The following BCL2L11 variants were observed in gnomAD, a reference collection of about 807,000 sequenced individuals.
BCL2L11 encodes the protein bcl-2-like protein 11.
In BCL2L11, 15 loss-of-function variants were observed where a neutral mutation model predicts 20.6. The ratio of observed to expected loss-of-function variants is 0.73; its 90% CI spans 0.49 to 1.12. BCL2L11 has a LOEUF of 1.12. Among genes scored for constraint, BCL2L11 ranks in the 50% most tolerant of loss-of-function variants. BCL2L11 has a pLI of 0.00. For synonymous variants in BCL2L11, 108 were observed against 92.8 expected (o/e 1.16, Z -0.94); for missense variants, 292 against 260.9 (o/e 1.12, Z -0.82).
intron 2 of BCL2L11, chr2:111,128,974 C>T (rs2150293079): frequency 1.6e-6 from 1 of 611,802 alleles, no homozygotes; most frequent in Non-Finnish European, 2.6e-6. Flanking sequence ...CAGTGCTGCT[C>T]TAGCAAGCCA....
intron 2 of BCL2L11, among the ~76,000 whole-genome samples, chr2:111,125,288 G>T (rs2150181103): frequency 6.6e-6 from 1 of 152,344 alleles, no homozygotes; most frequent in Non-Finnish European, 1.5e-5. Context: ...TACAGCATGT[G>T]ACTTTGGGTA....
intron 2 of BCL2L11, among the ~76,000 whole-genome samples, chr2:111,138,077 C>T (rs924137006): frequency 6.8e-6 from 1 of 148,014 alleles, no homozygotes; most frequent in Non-Finnish European, 1.5e-5. Context: ...GCCATGATCT[C>T]AGCTCACTGC....
At chr2:111,124,535 C>T (rs1241362124) in intron 2 of BCL2L11, among the ~76,000 whole-genome samples, 1 of 152,182 alleles carries the variant, frequency 6.6e-6, no homozygotes, top group African/African-American at 2.4e-5. Context: ...TGTAATCTGC[C>T]TGTCTCAGCC....
chr2:111,163,861 CTTTTTT>C (rs10547953), intron 3 of BCL2L11, among the ~76,000 whole-genome samples: 2 of 104,720 alleles, frequency 1.9e-5, no homozygotes, highest in Admixed American at 2.0e-4. Context: ...TTTTTGAGTG[CTTTTTT>C]TTTTTTTTTT....
intron 2 of BCL2L11, among the ~76,000 whole-genome samples, chr2:111,145,302 T>G (rs2076361652): frequency 6.6e-6 from 1 of 152,166 alleles, no homozygotes; most frequent in Admixed American, 6.5e-5. Flanking sequence ...TACACACACC[T>G]GAGTCATTAG....
chr2:111,124,254 T>A (rs2150149018), intron 2 of BCL2L11, 115 bp downstream of exon 2: 9 of 1,260,302 alleles, frequency 7.1e-6, no homozygotes, highest in South Asian at 3.2e-5. Context: ...TATTCCATCT[T>A]TAGATGGGAA....
intron 2 of BCL2L11, among the ~76,000 whole-genome samples, chr2:111,125,062 A>G (rs1283489151): frequency 6.6e-6 from 1 of 152,196 alleles, no homozygotes; most frequent in Non-Finnish European, 1.5e-5. Context: ...AGACTGGTAA[A>G]TTGGAGAGTA....
At chr2:111,128,826 A>G in intron 2 of BCL2L11, 9 of 1,459,302 alleles carry the variant, frequency 6.2e-6, no homozygotes, top group Non-Finnish European at 8.1e-6. Context: ...GTGATTAAAT[A>G]AAATGTATTT....
rs1177823904 is a variant in BCL2L11, at chr2:111,166,563, TA to T, written c.*2338del. On this transcript the variant is annotated 3_prime_UTR_variant, in exon 4 of 4. Coordinates refer to ENST00000393256, the MANE Select transcript of BCL2L11 (RefSeq NM_138621.5). ...CGTGGGTATACGTTTTTACCTTTTT[TA>T]AAAAACATTTTTGTAGAAAAAATAA... 1 of 152,682 alleles carries T rather than the reference TA, an allele frequency of 6.5e-6. No individual in the cohort carries two copies. Among genetic ancestry groups the T allele is most frequent in the Admixed American group, 6.5e-5 (1 of 15,294 alleles). The allele number at this position is 152,682 out of a possible 1,614,324, so 9.5% of individuals were successfully genotyped here.
intron 2 of BCL2L11, among the ~76,000 whole-genome samples, chr2:111,127,487 C>G (rs188154052): frequency 6.6e-6 from 1 of 150,722 alleles, no homozygotes; most frequent in East Asian, 2.0e-4. Context: ...TTGTCTGACC[C>G]CTCCTTTAGT....
intron 3 of BCL2L11, among the ~76,000 whole-genome samples, chr2:111,160,007 C>A (rs570433571): frequency 7.2e-5 from 11 of 152,376 alleles, no homozygotes; most frequent in South Asian, 4.1e-4. Flanking sequence ...TTAGAGGGCA[C>A]AGTCTGTGGG....
At chr2:111,134,776 C>G (rs1167109518) in intron 2 of BCL2L11, among the ~76,000 whole-genome samples, 1 of 152,214 alleles carries the variant, frequency 6.6e-6, no homozygotes, top group African/African-American at 2.4e-5. Context: ...AGGATATCTT[C>G]ACGGAAGATA....
intron 2 of BCL2L11, chr2:111,145,969 A>G: frequency 1.0e-6 from 1 of 960,588 alleles, no homozygotes; most frequent in Non-Finnish European, 1.2e-6. Flanking sequence ...GAAAACATGG[A>G]TCTGCCTAGG....
chr2:111,138,155 C>A (rs929923451), intron 2 of BCL2L11, among the ~76,000 whole-genome samples: 2 of 151,848 alleles, frequency 1.3e-5, no homozygotes, highest in African/African-American at 2.4e-5. Context: ...ATTACAGGCA[C>A]CCACCACGAC....
chr2:111,150,882 T>G (rs1325424191), intron 3 of BCL2L11, among the ~76,000 whole-genome samples: 7 of 134,694 alleles, frequency 5.2e-5, no homozygotes, highest in Admixed American at 2.1e-4. Flanking sequence ...CATGGGACAC[T>G]TTTGTTTGTT....
At position 111,120,988 on chromosome 2, in the gene BCL2L11, C is replaced by CGCT. The variant is rs1558996613; in HGVS notation, c.-212_-211insTGC. The stretch of plus-strand genomic sequence containing the variant: ...CCAGCGCCGCTGCCGCTGCCGCCGC[C>CGCT]GCCGCCGCCGCCGCCGCCGCCGCCG... On this transcript the variant is annotated 5_prime_UTR_variant, in exon 1 of 4. Coordinates refer to ENST00000393256, the MANE Select transcript of BCL2L11 (RefSeq NM_138621.5). 34 of 329,358 alleles carry CGCT rather than the reference C, an allele frequency of 1.0e-4. 2 individuals are homozygous for CGCT. The highest frequency in any genetic ancestry group is 1.2e-4 in the African/African-American group (5 of 40,622). The allele number at this position is 329,358 out of a possible 1,614,324, so 20.4% of individuals were successfully genotyped here. A position where few individuals can be genotyped will look rare whatever the true frequency, so the allele number is the denominator to read the frequency against.
At chr2:111,148,077 A>C (rs1278706596) in intron 2 of BCL2L11, among the ~76,000 whole-genome samples, 1 of 152,214 alleles carries the variant, frequency 6.6e-6, no homozygotes, top group Non-Finnish European at 1.5e-5. Flanking sequence ...ATAAAACATC[A>C]ATCTGTAGTT....
chr2:111,155,971 A>G (rs754686508), intron 3 of BCL2L11, among the ~76,000 whole-genome samples: 3 of 152,218 alleles, frequency 2.0e-5, no homozygotes, highest in Non-Finnish European at 2.9e-5. Flanking sequence ...GTGTCATTAC[A>G]TTAGCATTTT....
intron 3 of BCL2L11, among the ~76,000 whole-genome samples, chr2:111,159,035 A>G (rs1193446150): frequency 6.6e-6 from 1 of 152,174 alleles, no homozygotes; most frequent in African/African-American, 2.4e-5. Context: ...GCTGCATTGT[A>G]GGAATCACTT....
Sources: gnomAD v4.1 joint callset for allele counts (sites outside exome capture counted in the v4.1 genomes callset) on GRCh38, gnomAD v4.1.1 for gene constraint, MANE v1.5 for transcripts, NCBI Gene and HGNC (gene_info 2026-07-23, HGNC 2026-07-21) for gene names.